The following STAMBP variants were observed in gnomAD, a reference collection of about 807,000 sequenced individuals.
STAMBP encodes the protein STAM binding protein.
In STAMBP, 31 loss-of-function variants were observed where a neutral mutation model predicts 50.7. That is an observed-to-expected ratio of 0.61 (90% CI 0.46 to 0.83). The LOEUF (loss-of-function observed/expected upper bound fraction) is 0.83. STAMBP is among the 40% of genes least tolerant of loss of function. STAMBP has a pLI of 0.00. For synonymous variants in STAMBP, 211 were observed against 192.4 expected (o/e 1.10, Z -0.80); for missense variants, 472 against 518.9 (o/e 0.91, Z 0.88).
chr2:73,861,880 A>G (rs944077679), intron 9 of STAMBP, among the ~76,000 whole-genome samples: 10 of 151,998 alleles, frequency 6.6e-5, no homozygotes, highest in Non-Finnish European at 1.3e-4. Context: ...GCTCACGCCT[A>G]TAATCCCAAT....
At chr2:73,869,113 C>A (rs910078344), downstream of STAMBP, among the ~76,000 whole-genome samples, 1 of 152,162 alleles carries the variant, frequency 6.6e-6, no homozygotes, top group Non-Finnish European at 1.5e-5. Context: ...AGCTAAGTAT[C>A]TACCTAGAAA....
intron 9 of STAMBP, among the ~76,000 whole-genome samples, 155 bp downstream of exon 9, chr2:73,860,306 T>C (rs1678187639): frequency 6.6e-6 from 1 of 152,212 alleles, no homozygotes; most frequent in East Asian, 1.9e-4. Flanking sequence ...TGAGAAGCAG[T>C]GTGGGACAGG....
intron 2 of STAMBP, among the ~76,000 whole-genome samples, chr2:73,842,580 GT>G (rs1231385306): frequency 6.6e-6 from 1 of 152,172 alleles, no homozygotes; most frequent in Admixed American, 6.5e-5. Flanking sequence ...TATTAGAAGT[GT>G]TTTGGTCTGT....
chr2:73,859,431 A>C (rs1051326055), intron 8 of STAMBP, 65 bp downstream of exon 8: 5 of 1,263,052 alleles, frequency 4.0e-6, no homozygotes, highest in African/African-American at 1.5e-5. Flanking sequence ...CCTCAGGGGA[A>C]AAGGTCTCTA....
chr2:73,857,154 C>G (rs1207006229), intron 7 of STAMBP, among the ~76,000 whole-genome samples: 1 of 152,198 alleles, frequency 6.6e-6, no homozygotes, highest in Non-Finnish European at 1.5e-5. Flanking sequence ...GGAACAGTAT[C>G]TTTCCCCGAT....
chr2:73,861,000 G>T (rs1008091272), intron 9 of STAMBP, among the ~76,000 whole-genome samples: 29 of 152,214 alleles, frequency 1.9e-4, no homozygotes, highest in African/African-American at 6.8e-4. Flanking sequence ...GTTTTCTGCT[G>T]AGCGTGAGGA....
downstream of STAMBP, among the ~76,000 whole-genome samples, chr2:73,869,669 T>C (rs1339578170): frequency 2.0e-5 from 3 of 152,136 alleles, no homozygotes; most frequent in East Asian, 3.8e-4. Flanking sequence ...GGCACATGTA[T>C]ACATATGGAA....
At chr2:73,858,751 A>G (rs1366290239) in intron 7 of STAMBP, among the ~76,000 whole-genome samples, 1 of 152,172 alleles carries the variant, frequency 6.6e-6, no homozygotes. Flanking sequence ...GAGCTTCCTT[A>G]CTTATTAGGA....
chr2:73,865,036 T>C lies in STAMBP; in HGVS notation c.*2777T>C, dbSNP rs1418554231. On this transcript the variant is annotated 3_prime_UTR_variant, in exon 10 of 10. Coordinates refer to ENST00000394070, the MANE Select transcript of STAMBP (RefSeq NM_213622.4). ...GAAACATTCCCTTGGGCCAGTGTCATGGTGGATTTTCTTGCTTGAGAGGCA... is the reference window on the plus strand; with the variant it reads ...GAAACATTCCCTTGGGCCAGTGTCACGGTGGATTTTCTTGCTTGAGAGGCA... 8 of 152,210 alleles carry C rather than the reference T, an allele frequency of 5.3e-5. No homozygotes were observed. Among genetic ancestry groups the C allele is most frequent in the African/African-American group, 1.4e-4 (6 of 41,452 alleles). 9.4% of individuals were successfully genotyped at this position (152,210 alleles called of 1,614,324 possible).
chr2:73,837,321 C>T (rs1049930315), intron 2 of STAMBP, among the ~76,000 whole-genome samples: 3 of 152,272 alleles, frequency 2.0e-5, no homozygotes, highest in South Asian at 4.1e-4. Context: ...CACAGTGGCT[C>T]ACGCCTGTAA....
chr2:73,831,196 G>C (rs557143070), intron 2 of STAMBP, 137 bp downstream of exon 2: 2 of 676,670 alleles, frequency 3.0e-6, no homozygotes, highest in East Asian at 2.7e-5. Flanking sequence ...CATATTGGCT[G>C]TCCTTGCCGT....
In STAMBP at chr2:73,858,919, A is replaced by AC. The variant is rs111772507; in HGVS notation, c.1006-329dup. 0.049 allele frequency among the ~76,000 whole-genome samples: 7,407 copies of AC among 151,104 alleles called. 619 individuals carry two copies. Among genetic ancestry groups the AC allele is most frequent in the African/African-American group, 0.17 (6,870 of 41,006 alleles). The stretch of plus-strand genomic sequence containing the variant: ...TTATCCTCAGGGGATATGAGCCCAG[A>AC]CCCCCCAATGGATGCCTGAAATCAC... On this transcript the variant is annotated intron_variant, in intron 7 of 9. Transcript: ENST00000394070.
exon 11 of STAMBP, chr2:73,873,445 T>G (rs1421699781): frequency 6.6e-6 from 1 of 152,228 alleles, no homozygotes; most frequent in Non-Finnish European, 1.5e-5. Context: ...CACAAAAGTT[T>G]CTGTATAAGC....
chr2:73,853,627 C>G (rs1677154694), intron 7 of STAMBP, among the ~76,000 whole-genome samples: 1 of 152,162 alleles, frequency 6.6e-6, no homozygotes. Context: ...GAGGCTGAGG[C>G]AGGAGAATTG....
At chr2:73,834,411 G>A (rs990984730) in intron 2 of STAMBP, among the ~76,000 whole-genome samples, 1 of 150,726 alleles carries the variant, frequency 6.6e-6, no homozygotes, top group Admixed American at 6.6e-5. Context: ...TATTCTTACA[G>A]AAAAGTAAGC....
At position 73,850,636 on chromosome 2, in the gene STAMBP, G is replaced by A. The variant is rs1263408431; in HGVS notation, c.1005+123G>A. The A allele has an allele frequency of 1.1e-5, 13 of 1,133,338 alleles. No homozygotes were observed. Among genetic ancestry groups the A allele is most frequent in the Non-Finnish European group, 1.6e-5 (13 of 830,140 alleles). The allele number at this position is 1,133,338 out of a possible 1,614,324, so 70.2% of individuals were successfully genotyped here. A position where few individuals can be genotyped will look rare whatever the true frequency, so the allele number is the denominator to read the frequency against. On this transcript the variant is annotated intron_variant, in intron 7 of 9. Coordinates refer to ENST00000394070, the MANE Select transcript of STAMBP (RefSeq NM_213622.4). This position sits in a 1 kb window ranked among gnomAD's most constrained non-coding sequence, Gnocchi z 4.3. ...TTATTTATTGTTTTTCTCTCTTTTG[G>A]ATGCAGTCCTTAGCATACTTGACTA...
intron 10 of STAMBP, among the ~76,000 whole-genome samples, chr2:73,872,564 T>C (rs1486762611): frequency 3.9e-5 from 6 of 152,208 alleles, no homozygotes; most frequent in African/African-American, 1.2e-4. Flanking sequence ...AAAGGAGCCC[T>C]ACTCTCACAG....
intron 2 of STAMBP, among the ~76,000 whole-genome samples, chr2:73,831,336 T>C (rs1259883788): frequency 6.6e-6 from 1 of 152,220 alleles, no homozygotes; most frequent in Non-Finnish European, 1.5e-5. Context: ...ACTAGACATA[T>C]TATGTTCTGA....
At chr2:73,854,072 A>C in intron 7 of STAMBP, among the ~76,000 whole-genome samples, 1 of 152,262 alleles carries the variant, frequency 6.6e-6, no homozygotes, top group East Asian at 1.9e-4. Flanking sequence ...GTAAAAGGGC[A>C]GGAGAGACAA....
Sources: allele counts gnomAD v4.1 joint callset (sites outside exome capture counted in the v4.1 genomes callset), GRCh38; gene constraint gnomAD v4.1.1; non-coding constraint Gnocchi (gnomAD v3.1); transcripts MANE v1.5; gene names NCBI Gene and HGNC (gene_info 2026-07-23, HGNC 2026-07-21).